Variants in SHISA6 observed in about 807,000 individuals in gnomAD.
SHISA6 encodes the protein shisa family member 6.
SHISA6 carries 22 observed loss-of-function variants against 47.9 expected under a neutral mutation model. The ratio of observed to expected loss-of-function variants is 0.46; its 90% CI spans 0.33 to 0.66. SHISA6 has a LOEUF of 0.66. Ranked by LOEUF, SHISA6 falls within the 30% of genes least tolerant of loss-of-function variation. The pLI is 0.02. For missense variants in SHISA6, 680 were observed against 764.6 expected (o/e 0.89, Z 1.30); for synonymous variants, 388 against 337.8 (o/e 1.15, Z -1.63).
chr17:11,557,883 G>T lies in SHISA6; in HGVS notation c.1235G>T (p.Arg412Leu), dbSNP rs549373000. 1.3e-6 allele frequency: 2 copies of T among 1,551,396 alleles called. No homozygotes were observed. The highest frequency in any genetic ancestry group is 1.4e-5 in the African/African-American group (1 of 73,056). The change falls in exon 6 of 6, where the codon CGG becomes CTG. Residue 412 changes from arginine (R) to leucine (L), a missense_variant. Arg to Leu is a moderately radical substitution (Grantham distance 102). Transcript: ENST00000441885. Reference sequence around the variant, plus strand: ...CCGTTGCCAAGGGAACGACCCCGCCGGCCCATCCGGGCCATGTCCCAGGAC... The same window carrying T: ...CCGTTGCCAAGGGAACGACCCCGCCTGCCCATCCGGGCCATGTCCCAGGAC... The part of the protein sequence containing the change: ...QKPLPRERPR[R>L]PIRAMSQDRV...
At chr17:11,362,026 G>C (rs1912305462) in intron 2 of SHISA6, among the ~76,000 whole-genome samples, 1 of 152,100 alleles carries the variant, frequency 6.6e-6, no homozygotes, top group Admixed American at 6.5e-5. Flanking sequence ...GGGTTTTCCA[G>C]GCCCAGGATC....
chr17:11,503,737 ATGT>A (rs1320043097), intron 3 of SHISA6, among the ~76,000 whole-genome samples: 2 of 152,178 alleles, frequency 1.3e-5, no homozygotes, highest in African/African-American at 4.8e-5. Context: ...TTCATGGATG[ATGT>A]TTATCAATTG....
chr17:11,323,817 G>A (rs1296426073), intron 2 of SHISA6, among the ~76,000 whole-genome samples: 2 of 152,082 alleles, frequency 1.3e-5, no homozygotes, highest in South Asian at 2.1e-4. Context: ...CTCAGCATGG[G>A]TATAGTACCC....
chr17:11,558,070 C>G lies in SHISA6; in HGVS notation c.1422C>G (p.Ala474=), dbSNP rs1174886834. Residue 474 remains alanine, a synonymous_variant, in exon 6 of 6, where the codon GCC becomes GCG. Transcript: ENST00000441885. ...TTCCCGAGCAGTCGCTGTCCAGGGC[C>G]ATCTCGCACACGGACGTCTTTGTGT... ...TAFPEQSLSR[A]ISHTDVFVST... 23 of 1,551,574 alleles carry G rather than the reference C, an allele frequency of 1.5e-5. No homozygotes were observed. Among genetic ancestry groups the G allele is most frequent in the Non-Finnish European group, 2.0e-5 (23 of 1,147,014 alleles).
At chr17:11,278,909 G>T (rs981394696) in intron 2 of SHISA6, among the ~76,000 whole-genome samples, 1 of 152,204 alleles carries the variant, frequency 6.6e-6, no homozygotes, top group Admixed American at 6.5e-5. Flanking sequence ...AGGTGGAGCT[G>T]GGTGGCCGAG....
At chr17:11,526,698 G>C (rs1028377387) in intron 3 of SHISA6, among the ~76,000 whole-genome samples, 1 of 151,872 alleles carries the variant, frequency 6.6e-6, no homozygotes, top group Non-Finnish European at 1.5e-5. Flanking sequence ...AACCAGAATG[G>C]AGCATTTAAG....
chr17:11,351,724 A>G (rs1452621618), intron 2 of SHISA6, among the ~76,000 whole-genome samples: 1 of 152,212 alleles, frequency 6.6e-6, no homozygotes, highest in East Asian at 1.9e-4. Flanking sequence ...CTAAGCACAT[A>G]TTTGTAGCTC....
intron 3 of SHISA6, among the ~76,000 whole-genome samples, chr17:11,520,786 C>G (rs80203521): frequency 6.6e-6 from 1 of 152,136 alleles, no homozygotes. Flanking sequence ...AAAACTACCT[C>G]GATCACCCTA....
intron 3 of SHISA6, among the ~76,000 whole-genome samples, chr17:11,385,339 C>T (rs1167247616): frequency 6.6e-6 from 1 of 151,966 alleles, no homozygotes; most frequent in Non-Finnish European, 1.5e-5. Context: ...CAGAAGGAGC[C>T]AGAGTGTAGT....
At chr17:11,515,416 G>C (rs1454688418) in intron 3 of SHISA6, among the ~76,000 whole-genome samples, 1 of 151,906 alleles carries the variant, frequency 6.6e-6, no homozygotes, top group Non-Finnish European at 1.5e-5. Context: ...TGGATCCCCT[G>C]AATAGAGGAA....
At chr17:11,375,285 T>C (rs1912763479) in intron 2 of SHISA6, among the ~76,000 whole-genome samples, 4 of 152,328 alleles carry the variant, frequency 2.6e-5, no homozygotes, top group South Asian at 2.1e-4. Context: ...TAAATAGATA[T>C]GACTCCTGAA....
rs1197806433 is a variant in SHISA6 at position 11,241,630 on chromosome 17, G to A, written c.208G>A (p.Ala70Thr). ...GTARAPGIPE[A>T]GSRRGQPAAA... ...CGCCCGGGCGCCCGGAATCCCGGAG[G>A]CGGGAAGCCGGCGGGGGCAGCCCGC... Residue 70 changes from alanine (A) to threonine (T), a missense_variant, in exon 1 of 6, where the codon GCG becomes ACG. Physicochemically the swap from Ala to Thr is moderately conservative, Grantham distance 58. Coordinates refer to ENST00000441885, the MANE Select transcript of SHISA6 (RefSeq NM_207386.4). The surrounding 1 kb of genome is among the most constrained non-coding windows in gnomAD (Gnocchi z 5.5). The A allele has an allele frequency of 9.7e-6, 13 of 1,345,244 alleles. No homozygotes were observed. Among genetic ancestry groups the A allele is most frequent in the Non-Finnish European group, 1.2e-5 (13 of 1,059,558 alleles). 83.3% of individuals were successfully genotyped at this position (1,345,244 alleles called of 1,614,324 possible).
intron 3 of SHISA6, among the ~76,000 whole-genome samples, chr17:11,395,791 T>C (rs1303670950): frequency 6.6e-6 from 1 of 152,174 alleles, no homozygotes; most frequent in African/African-American, 2.4e-5. Context: ...GTGCTGGGAT[T>C]ACAGGCCTGA....
At chr17:11,311,279 CAAAAAAAAAA>C (rs200852475) in intron 2 of SHISA6, among the ~76,000 whole-genome samples, 1 of 52,424 alleles carries the variant, frequency 1.9e-5, no homozygotes, top group Non-Finnish European at 4.0e-5. Flanking sequence ...AAGACTTCGT[CAAAAAAAAAA>C]AAAAAAAAAA....
intron 3 of SHISA6, among the ~76,000 whole-genome samples, chr17:11,522,155 C>T (rs894178859): frequency 6.6e-5 from 10 of 151,508 alleles, no homozygotes; most frequent in East Asian, 1.9e-4. Context: ...TTAGTAGAGA[C>T]GGGGTTTCAC....
chr17:11,314,320 A>T (rs2142189554), intron 2 of SHISA6, among the ~76,000 whole-genome samples: 1 of 152,072 alleles, frequency 6.6e-6, no homozygotes, highest in East Asian at 1.9e-4. Context: ...CATTAGGAAG[A>T]GCTTCCCCTC....
chr17:11,397,984 C>T (rs1430734691), intron 3 of SHISA6, among the ~76,000 whole-genome samples: 2 of 151,796 alleles, frequency 1.3e-5, no homozygotes, highest in Non-Finnish European at 2.9e-5. Context: ...TTTTTCCTTT[C>T]TGCTGGTTGT....
At chr17:11,370,012 A>C (rs932693435) in intron 2 of SHISA6, among the ~76,000 whole-genome samples, 5 of 152,162 alleles carry the variant, frequency 3.3e-5, no homozygotes, top group African/African-American at 1.2e-4. Context: ...ACTGTTTACT[A>C]TCCTTCCCTA....
At chr17:11,552,785 C>T (rs1368505381) in intron 4 of SHISA6, among the ~76,000 whole-genome samples, 1 of 152,190 alleles carries the variant, frequency 6.6e-6, no homozygotes. Flanking sequence ...GGAATATTTT[C>T]ATGTGCTATG....
Sources: gnomAD v4.1 joint callset for allele counts (sites outside exome capture counted in the v4.1 genomes callset) on GRCh38, gnomAD v4.1.1 for gene constraint, Gnocchi (gnomAD v3.1) non-coding constraint, MANE v1.5 for transcripts, NCBI Gene and HGNC (gene_info 2026-07-23, HGNC 2026-07-21) for gene names.